The following CNTN5 variants were observed in gnomAD, a reference collection of about 807,000 sequenced individuals.
CNTN5 encodes the protein contactin 5, also known as contactin-5.
Under a neutral mutation model 129.1 loss-of-function variants are expected in CNTN5, and 77 were observed. That is an observed-to-expected ratio of 0.60 (90% CI 0.50 to 0.72). The LOEUF (loss-of-function observed/expected upper bound fraction) is 0.72, where lower values mean the gene tolerates loss of function less well. Among genes scored for constraint, CNTN5 ranks in the 30% least tolerant of loss-of-function variants. The pLI is 0.00. For missense variants in CNTN5, 1,478 were observed against 1,328.8 expected (o/e 1.11, Z -1.75); for synonymous variants, 509 against 465.6 (o/e 1.09, Z -1.20).
rs751761377 is a variant in CNTN5 at position 99,763,869 on chromosome 11, A to T, written c.56-55675A>T. On this transcript the variant is annotated intron_variant, in intron 3 of 24. Transcript: ENST00000524871. Reference sequence around the variant, plus strand: ...CATATATTAAATTGAAAAAAATTCTATGGGCAAAATAGAATGAGAATGTTA... The same window carrying T: ...CATATATTAAATTGAAAAAAATTCTTTGGGCAAAATAGAATGAGAATGTTA... Among the ~76,000 whole-genome samples the T allele has an allele frequency of 3.9e-5, 6 of 152,224 alleles. No individual in the cohort carries two copies. In the South Asian group the frequency reaches 1.2e-3, roughly 32 times the overall value.
chr11:100,011,489 A>G (rs2137524641), intron 9 of CNTN5, among the ~76,000 whole-genome samples: 1 of 152,198 alleles, frequency 6.6e-6, no homozygotes, highest in South Asian at 2.1e-4. Flanking sequence ...TTGCTCTTGC[A>G]GCCATTAACA....
At chr11:99,164,488 TC>T (rs1468644794) in intron 1 of CNTN5, among the ~76,000 whole-genome samples, 1 of 152,162 alleles carries the variant, frequency 6.6e-6, no homozygotes, top group Non-Finnish European at 1.5e-5. Flanking sequence ...TTATGAACAT[TC>T]AATTAATTGG....
chr11:99,039,152 C>T lies in CNTN5; in HGVS notation c.-210+17882C>T, dbSNP rs576303382. Among the ~76,000 whole-genome samples, 5 of 152,120 alleles carry T rather than the reference C, an allele frequency of 3.3e-5. No individual in the cohort carries two copies. The South Asian group carries it at 8.3e-4, about 25-fold the overall frequency. On this transcript the variant is annotated intron_variant, in intron 1 of 24. Coordinates refer to ENST00000524871, the MANE Select transcript of CNTN5 (RefSeq NM_014361.4). ...GTCCATTAATTCAATTTCATAAATT[C>T]ATGTAGAAACATCAGCAATAAAAAA...
chr11:99,949,502 G>A (rs941106644), intron 7 of CNTN5, among the ~76,000 whole-genome samples: 1 of 152,126 alleles, frequency 6.6e-6, no homozygotes, highest in African/African-American at 2.4e-5. Context: ...TGGGAAACCT[G>A]GAGTGAATGC....
chr11:99,338,919 GAT>G (rs10534485), intron 2 of CNTN5, among the ~76,000 whole-genome samples: 4,893 of 126,812 alleles, frequency 0.039, 188 homozygotes, highest in African/African-American at 0.1. Flanking sequence ...TTCATTCACA[GAT>G]ATATATATAT....
At chr11:100,183,371 T>TAAAC (rs1423209866) in intron 13 of CNTN5, among the ~76,000 whole-genome samples, 1 of 152,010 alleles carries the variant, frequency 6.6e-6, no homozygotes, top group African/African-American at 2.4e-5. Flanking sequence ...GGTAAATGGA[T>TAAAC]AAACAAATTA....
rs142539277 is a variant in CNTN5, at chr11:99,768,592, A to G, written c.56-50952A>G. ...TTCCATTTTCACAAAATCCAAGACA[A>G]TGGTCTTGAGTCATACAATTTGGAT... On this transcript the variant is annotated intron_variant, in intron 3 of 24. Transcript: ENST00000524871. Among the ~76,000 whole-genome samples, 277 of 152,230 alleles carry G rather than the reference A, an allele frequency of 1.8e-3. 2 individuals are homozygous for G. Among genetic ancestry groups the G allele is most frequent in the African/African-American group, 5.9e-3 (245 of 41,574 alleles).
chr11:99,374,876 G>A (rs1403575537), intron 2 of CNTN5, among the ~76,000 whole-genome samples: 2 of 152,088 alleles, frequency 1.3e-5, no homozygotes, highest in Admixed American at 1.3e-4. Context: ...GTTGATACAC[G>A]GTGAAGGTTT....
chr11:99,211,584 A>G (rs370010495), intron 1 of CNTN5, among the ~76,000 whole-genome samples: 1 of 151,806 alleles, frequency 6.6e-6, no homozygotes. Flanking sequence ...TGGAAATAGT[A>G]TCACTTCATT....
intron 3 of CNTN5, among the ~76,000 whole-genome samples, chr11:99,789,095 A>G (rs1280490077): frequency 6.6e-6 from 1 of 151,960 alleles, no homozygotes; most frequent in African/African-American, 2.4e-5. Context: ...AAATTATAAG[A>G]AATAGTCCTA....
chr11:99,265,710 T>C (rs1220172702), intron 1 of CNTN5, among the ~76,000 whole-genome samples: 1 of 152,044 alleles, frequency 6.6e-6, no homozygotes, highest in Non-Finnish European at 1.5e-5. Flanking sequence ...ATATTTTATC[T>C]TAGAAAACAA....
intron 13 of CNTN5, among the ~76,000 whole-genome samples, chr11:100,154,281 C>T (rs1207515296): frequency 1.3e-5 from 2 of 152,112 alleles, no homozygotes; most frequent in Non-Finnish European, 2.9e-5. Flanking sequence ...GACATGAACT[C>T]ATCCTTTTTT....
intron 3 of CNTN5, among the ~76,000 whole-genome samples, chr11:99,807,413 G>C (rs180945829): frequency 4.6e-4 from 70 of 152,258 alleles, no homozygotes; most frequent in Non-Finnish European, 8.5e-4. Flanking sequence ...CATCTATAGG[G>C]ATAGGGTTGA....
intron 6 of CNTN5, among the ~76,000 whole-genome samples, chr11:99,883,741 A>G (rs886441706): frequency 3.3e-5 from 5 of 152,224 alleles, no homozygotes; most frequent in Non-Finnish European, 5.9e-5. Context: ...AAAAGTCACT[A>G]TCTTCTATCT....
chr11:99,244,743 G>A (rs1361325220), intron 1 of CNTN5, among the ~76,000 whole-genome samples: 1 of 152,036 alleles, frequency 6.6e-6, no homozygotes, highest in African/African-American at 2.4e-5. Context: ...ATATGAATCT[G>A]CAAAAAGTAC....
intron 1 of CNTN5, among the ~76,000 whole-genome samples, chr11:99,195,531 T>G (rs1157103049): frequency 6.6e-6 from 1 of 151,902 alleles, no homozygotes; most frequent in Non-Finnish European, 1.5e-5. Context: ...TTGGGGAGAG[T>G]GTATTTTATA....
chr11:99,989,343 G>A (rs1038443643), intron 8 of CNTN5, among the ~76,000 whole-genome samples: 1 of 152,076 alleles, frequency 6.6e-6, no homozygotes, highest in South Asian at 2.1e-4. Flanking sequence ...TGCTTTCAAA[G>A]AAGTGTTATT....
chr11:99,616,714 T>TGG (rs1950770231), intron 3 of CNTN5, among the ~76,000 whole-genome samples: 1 of 152,122 alleles, frequency 6.6e-6, no homozygotes, highest in South Asian at 2.1e-4. Flanking sequence ...AAAACTGATA[T>TGG]AGATGATGAT....
chr11:99,466,007 G>A (rs1004105458), intron 2 of CNTN5, among the ~76,000 whole-genome samples: 5 of 149,270 alleles, frequency 3.3e-5, no homozygotes, highest in African/African-American at 4.9e-5. Flanking sequence ...TCAGCCTCCC[G>A]AGTAGCTGGG....
Sources: allele counts gnomAD v4.1 joint callset (sites outside exome capture counted in the v4.1 genomes callset), GRCh38; gene constraint gnomAD v4.1.1; transcripts MANE v1.5; gene names NCBI Gene and HGNC (gene_info 2026-07-23, HGNC 2026-07-21).